EXOC4: variants seen among roughly 807,000 people sequenced by gnomAD.
EXOC4 encodes the protein exocyst complex component 4.
Under a neutral mutation model 107.2 loss-of-function variants are expected in EXOC4, and 71 were observed. The ratio of observed to expected loss-of-function variants is 0.66; its 90% CI spans 0.55 to 0.81. The LOEUF (loss-of-function observed/expected upper bound fraction) is 0.81, where lower values mean the gene tolerates loss of function less well. Ranked by LOEUF, EXOC4 falls within the 30% of genes least tolerant of loss-of-function variation. EXOC4 has a pLI of 0.00. For missense variants in EXOC4, 1,108 were observed against 1,189.6 expected, an observed-to-expected ratio of 0.93 and a Z score of 1.01; for synonymous variants, 456 against 441.2, an observed-to-expected ratio of 1.03 and a Z score of -0.42.
chr7:133,331,263 G>A lies in EXOC4; in HGVS notation c.763+13873G>A, dbSNP rs569979546. On this transcript the variant is annotated intron_variant, in intron 5 of 17. Transcript: ENST00000253861. ...ATTTGCAATTCACAGACAAGTCCCT[G>A]TCCGTGGAAAAATTGGCATTTATCT... Among the ~76,000 whole-genome samples, 21 of 152,080 alleles carry A rather than the reference G, an allele frequency of 1.4e-4. 1 individual carries two copies. The highest frequency in any genetic ancestry group is 2.5e-4 in the Non-Finnish European group (17 of 67,988).
chr7:133,969,671 G>A (rs1801155714), intron 14 of EXOC4, among the ~76,000 whole-genome samples: 1 of 152,240 alleles, frequency 6.6e-6, no homozygotes, highest in South Asian at 2.1e-4. Flanking sequence ...AGCGGAGGCT[G>A]CAGAACAGCA....
At chr7:133,919,441 G>C (rs545059646) in intron 13 of EXOC4, among the ~76,000 whole-genome samples, 1 of 152,192 alleles carries the variant, frequency 6.6e-6, no homozygotes, top group South Asian at 2.1e-4. Context: ...TATCGGTTTT[G>C]ACACATGTAT....
intron 17 of EXOC4, among the ~76,000 whole-genome samples, chr7:134,054,441 C>T (rs917834033): frequency 6.6e-6 from 1 of 152,162 alleles, no homozygotes; most frequent in Non-Finnish European, 1.5e-5. Context: ...TTACTTGCTT[C>T]CCATAATTCC....
At chr7:133,481,786 T>A (rs1045796363) in intron 9 of EXOC4, among the ~76,000 whole-genome samples, 1 of 152,114 alleles carries the variant, frequency 6.6e-6, no homozygotes, top group Admixed American at 6.5e-5. Flanking sequence ...AGTCTTGATG[T>A]AGAGGAGTAC....
At chr7:133,836,984 C>T (rs1211077856) in intron 11 of EXOC4, among the ~76,000 whole-genome samples, 1 of 152,166 alleles carries the variant, frequency 6.6e-6, no homozygotes, top group Non-Finnish European at 1.5e-5. Flanking sequence ...ACTCTAGCCT[C>T]TAATTTTTTT....
At chr7:134,023,763 A>G (rs1057007092) in intron 17 of EXOC4, among the ~76,000 whole-genome samples, 2 of 152,212 alleles carry the variant, frequency 1.3e-5, no homozygotes, top group Non-Finnish European at 2.9e-5. Context: ...TGTATTGCAC[A>G]GTATTCCTAG....
intron 5 of EXOC4, among the ~76,000 whole-genome samples, chr7:133,346,379 T>A (rs1795784296): frequency 6.6e-6 from 1 of 152,250 alleles, no homozygotes; most frequent in Admixed American, 6.5e-5. Flanking sequence ...CTCCTCTCCA[T>A]GTTTGCATTT....
chr7:133,430,220 G>A lies in EXOC4; in HGVS notation c.1183-45108G>A, dbSNP rs527932605. On this transcript the variant is annotated intron_variant, in intron 7 of 17. Coordinates refer to ENST00000253861, the MANE Select transcript of EXOC4 (RefSeq NM_021807.4). ...AACCGTCCCCAGCTGAACTCCTTTC[G>A]ACATTCAGTTGCTTCTTCTCTTTTC... is the stretch of plus-strand genomic sequence containing the variant. 1.6e-3 allele frequency among the ~76,000 whole-genome samples: 246 copies of A among 152,300 alleles called. 1 individual carries two copies. Among genetic ancestry groups the A allele is most frequent in the Admixed American group, 2.3e-3 (35 of 15,300 alleles).
At chr7:133,475,980 C>T (rs113604954) in intron 8 of EXOC4, among the ~76,000 whole-genome samples, 2 of 152,050 alleles carry the variant, frequency 1.3e-5, no homozygotes, top group East Asian at 1.9e-4. Flanking sequence ...AAGTGTATAT[C>T]TCTTGGCAAC....
At chr7:133,395,668 T>C (rs545308699) in intron 7 of EXOC4, among the ~76,000 whole-genome samples, 1 of 152,038 alleles carries the variant, frequency 6.6e-6, no homozygotes, top group South Asian at 2.1e-4. Flanking sequence ...ATATATACAC[T>C]GTATATATAA....
intron 3 of EXOC4, among the ~76,000 whole-genome samples, chr7:133,302,603 G>A (rs530102091): frequency 2.6e-5 from 4 of 152,260 alleles, no homozygotes; most frequent in Admixed American, 1.3e-4. Flanking sequence ...GTGAATAGGG[G>A]AATAGACAGC....
At chr7:133,630,203 A>G in intron 10 of EXOC4, 62 bp downstream of exon 10, 1 of 1,282,636 alleles carries the variant, frequency 7.8e-7, no homozygotes, top group Admixed American at 1.8e-5. Flanking sequence ...ATGCTGGTCT[A>G]CTGAATGCCA....
chr7:134,074,665 A>G, the EXOC4 span, among the ~76,000 whole-genome samples: 1 of 152,182 alleles, frequency 6.6e-6, no homozygotes. Context: ...CACTCCCAGG[A>G]TCCTGCATTT....
intron 7 of EXOC4, among the ~76,000 whole-genome samples, chr7:133,429,948 T>C (rs1797817383): frequency 6.6e-6 from 1 of 152,224 alleles, no homozygotes; most frequent in Admixed American, 6.5e-5. Context: ...ACAAACGCTT[T>C]TGGGCTCCAG....
intron 10 of EXOC4, among the ~76,000 whole-genome samples, chr7:133,693,693 C>G (rs1015310347): frequency 2.0e-5 from 3 of 152,122 alleles, no homozygotes; most frequent in African/African-American, 7.2e-5. Flanking sequence ...TGTCTATATT[C>G]TCGGCATGGG....
At chr7:133,296,295 CATATT>C (rs375371459) in intron 3 of EXOC4, among the ~76,000 whole-genome samples, 3 of 152,020 alleles carry the variant, frequency 2.0e-5, no homozygotes, top group African/African-American at 4.8e-5. Flanking sequence ...TAGTGTCTCT[CATATT>C]ATGTTAAGTA....
At chr7:133,611,004 G>A (rs1413243922) in intron 9 of EXOC4, among the ~76,000 whole-genome samples, 3 of 80,438 alleles carry the variant, frequency 3.7e-5, no homozygotes, top group African/African-American at 1.4e-4. Flanking sequence ...TTTTTTTTTT[G>A]TAGAGATGGA....
intron 5 of EXOC4, among the ~76,000 whole-genome samples, chr7:133,338,624 T>A (rs1734109): frequency 0.78 from 67,861 of 87,322 alleles, 24,865 homozygotes; most frequent in East Asian, 0.86. Context: ...AAAAAAAAAA[T>A]TTTTATTTCA....
chr7:133,432,117 C>T (rs17167076), intron 7 of EXOC4, among the ~76,000 whole-genome samples: 34,034 of 151,882 alleles, frequency 0.22, 5,224 homozygotes, highest in East Asian at 0.49. Context: ...CTGGTCTAGT[C>T]TATCCCTTTA....
Sources: allele counts gnomAD v4.1 joint callset (sites outside exome capture counted in the v4.1 genomes callset), GRCh38; gene constraint gnomAD v4.1.1; transcripts MANE v1.5; gene names NCBI Gene and HGNC (gene_info 2026-07-23, HGNC 2026-07-21).